Variants in KIF1A observed in about 807,000 individuals in gnomAD.
KIF1A encodes kinesin family member 1A, also known as kinesin-like protein KIF1A.
A neutral mutation model predicts 227.3 loss-of-function variants in KIF1A; 46 were observed. The observed-to-expected ratio is 0.20, with a 90% confidence interval of 0.16 to 0.26. The LOEUF (loss-of-function observed/expected upper bound fraction) is 0.26. Among genes scored for constraint, KIF1A ranks in the 10% least tolerant of loss-of-function variants. The pLI is 1.00. For missense variants in KIF1A, 1,683 were observed against 2,485.9 expected, an observed-to-expected ratio of 0.68 and a Z score of 6.87; for synonymous variants, 1,022 against 1,012.8, an observed-to-expected ratio of 1.01 and a Z score of -0.17.
At chr2:240,809,772 G>C (rs1483629349) in intron 1 of KIF1A, among the ~76,000 whole-genome samples, 1 of 149,784 alleles carries the variant, frequency 6.7e-6, no homozygotes, top group East Asian at 2.0e-4. Flanking sequence ...GGATTCAAGA[G>C]AAATACCTAA....
At position 240,739,625 on chromosome 2, in the gene KIF1A, C is replaced by T. The variant is rs867947239; in HGVS notation, c.3901+433G>A. On this transcript the variant is annotated intron_variant, in intron 37 of 48. Transcript: ENST00000498729. This position sits in a 1 kb window ranked among gnomAD's most constrained non-coding sequence, Gnocchi z 5.6. ...AGAAGCCTGCGAAAATGCAGTGATG[C>T]GTCTGCAGGCCAGGGTCGCCCAAGA... 6.6e-6 allele frequency among the ~76,000 whole-genome samples: 1 copy of T among 152,144 alleles called. No homozygotes were observed. The highest frequency in any genetic ancestry group is 1.9e-4 in the East Asian group (1 of 5,180).
chr2:240,812,879 GGGGATCCGC>G (rs2058006957), intron 1 of KIF1A, among the ~76,000 whole-genome samples: 1 of 88,264 alleles, frequency 1.1e-5, no homozygotes, highest in Non-Finnish European at 2.1e-5. Context: ...GCCTTCACTC[GGGGATCCGC>G]CTTCACCTCG....
chr2:240,745,059 G>A (rs2125785770), intron 32 of KIF1A, among the ~76,000 whole-genome samples: 1 of 152,190 alleles, frequency 6.6e-6, no homozygotes, highest in African/African-American at 2.4e-5. Context: ...GCACCCTGTA[G>A]CCCCTGTGGC....
chr2:240,753,998 C>T (rs1047177371), intron 27 of KIF1A, among the ~76,000 whole-genome samples: 5 of 152,216 alleles, frequency 3.3e-5, no homozygotes, highest in Admixed American at 2.6e-4. Context: ...ACCTGGGCAC[C>T]TGCTTAGTTA....
Position 240,742,950 on chromosome 2 carries a change from C to T in KIF1A, c.3619G>A (p.Val1207Ile). 1 of 1,611,686 alleles carries T rather than the reference C, an allele frequency of 6.2e-7. No homozygotes were observed. Among genetic ancestry groups the T allele is most frequent in the Non-Finnish European group, 8.5e-7 (1 of 1,178,940 alleles). Reference sequence around the variant, plus strand: ...CTACCTGGCTTGGACAGTGGCATGACCCGAGGGAAGTGGCGGCGCGAGGGC... The same window carrying T: ...CTACCTGGCTTGGACAGTGGCATGATCCGAGGGAAGTGGCGGCGCGAGGGC... ...LRPSRRHFPR[V>I]MPLSKPVPAT... Residue 1207 changes from valine to isoleucine, a missense_variant, in exon 34 of 49, where the codon GTC becomes ATC. By Grantham distance (29) the Val-to-Ile change is conservative. Transcript: ENST00000498729.
At chr2:240,784,817 G>T (rs555265980) in intron 7 of KIF1A, among the ~76,000 whole-genome samples, 172 bp downstream of exon 7, 2 of 66,962 alleles carry the variant, frequency 3.0e-5, no homozygotes, top group East Asian at 2.8e-4. Context: ...CCTCTGGGGC[G>T]GGGGGGGGGA....
chr2:240,760,738 G>A lies in KIF1A; in HGVS notation c.2371C>T (p.Arg791Cys), dbSNP rs768035823. The stretch of plus-strand genomic sequence containing the variant: ...TGGACCTCCACGGCCACAATGGTGC[G>A]GGGGAAGGGCCGCGTCTCTCGGTCT... ...AKDRETRPFP[R>C]TIVAVEVQDQ... Residue 791 changes from arginine (R) to cysteine (C), a missense_variant, in exon 25 of 49, where the codon CGC (arginine) becomes TGC (cysteine). Coordinates refer to ENST00000498729, the MANE Select transcript of KIF1A (RefSeq NM_001244008.2). The A allele has an allele frequency of 1.2e-5, 19 of 1,596,806 alleles. No individual in the cohort carries two copies. The highest frequency in any genetic ancestry group is 2.3e-5 in the East Asian group (1 of 43,672).
Position 240,723,524 on chromosome 2 carries a change from T to C in KIF1A, c.4353A>G (p.Thr1451=). 6.4e-7 allele frequency: 1 copy of C among 1,553,576 alleles called. No homozygotes were observed. Among genetic ancestry groups the C allele is most frequent in the Non-Finnish European group, 8.7e-7 (1 of 1,149,276 alleles). Residue 1451 remains threonine (T), a synonymous_variant, in exon 42 of 49, where the codon ACA becomes ACG. Transcript: ENST00000498729. ...MQRRRRRVLD[T]SVAYVRGEEN... is the part of the protein sequence containing the mutation. ...CCTCGCCCCGGACATAGGCCACAGA[T>C]GTGTCCAGGACTCGTCGGCGCCGGC...
chr2:240,715,824 T>C lies in KIF1A; in HGVS notation c.*1540A>G, dbSNP rs1355047583. Reference sequence around the variant, plus strand: ...CCCCACTCCAGGAGGCAGGATCTGATGAAAGTGCTGGGCCCTAGGTCTGGA... The same window carrying C: ...CCCCACTCCAGGAGGCAGGATCTGACGAAAGTGCTGGGCCCTAGGTCTGGA... On this transcript the variant is annotated 3_prime_UTR_variant, in exon 49 of 49. Transcript: ENST00000498729. 1 of 152,204 alleles carries C rather than the reference T, an allele frequency of 6.6e-6. No homozygotes were observed. The highest frequency in any genetic ancestry group is 1.5e-5 in the Non-Finnish European group (1 of 68,020). The allele number at this position is 152,204 out of a possible 1,614,324, so 9.4% of individuals were successfully genotyped here.
At chr2:240,728,049 G>A (rs1156932816) in intron 38 of KIF1A, among the ~76,000 whole-genome samples, 1 of 152,210 alleles carries the variant, frequency 6.6e-6, no homozygotes, top group Non-Finnish European at 1.5e-5. Flanking sequence ...ACAGTTCAGA[G>A]ACATCAACAC....
chr2:240,748,887 G>A (rs941913883), intron 28 of KIF1A, among the ~76,000 whole-genome samples: 2 of 152,282 alleles, frequency 1.3e-5, no homozygotes, highest in South Asian at 2.1e-4. Context: ...TTGGGAGGCC[G>A]AGATGGGCAG....
At position 240,740,672 on chromosome 2, in the gene KIF1A, A is replaced by T. The variant is rs912507045; in HGVS notation, c.3750-308T>A. On this transcript the variant is annotated intron_variant, in intron 35 of 48. Transcript: ENST00000498729. The surrounding 1 kb of genome is among the most constrained non-coding windows in gnomAD (Gnocchi z 6.1). ...TCCCAAGGGTCCTCTGCTTCCCCTC[A>T]TGCCCTGCAGATCCGCAACCCAAGG... 3.9e-5 allele frequency among the ~76,000 whole-genome samples: 6 copies of T among 151,992 alleles called. No homozygotes were observed. The highest frequency in any genetic ancestry group is 9.7e-5 in the African/African-American group (4 of 41,354).
intron 2 of KIF1A, among the ~76,000 whole-genome samples, chr2:240,794,443 A>G (rs1332235592): frequency 6.6e-6 from 1 of 151,942 alleles, no homozygotes; most frequent in Admixed American, 6.6e-5. Context: ...TTACCCACAC[A>G]CGGCCTCACT....
intron 7 of KIF1A, among the ~76,000 whole-genome samples, 171 bp downstream of exon 7, chr2:240,784,816 CGG>C (rs71404665): frequency 2.2e-5 from 3 of 137,950 alleles, no homozygotes; most frequent in African/African-American, 5.1e-5. Context: ...GCCTCTGGGG[CGG>C]GGGGGGGGAC....
chr2:240,721,799 G>A lies in KIF1A; in HGVS notation c.4743+8C>T. On this transcript the variant is annotated splice_region_variant and intron_variant, in intron 44 of 48. Coordinates refer to ENST00000498729, the MANE Select transcript of KIF1A (RefSeq NM_001244008.2). ...CGGGGCAGCCTGGTGCAGCCCCTCT[G>A]CACCCACCTTGCTCTCGCTGGCACT... is the stretch of plus-strand genomic sequence containing the variant. 6.2e-7 allele frequency: 1 copy of A among 1,600,126 alleles called. No homozygotes were observed. Among genetic ancestry groups the A allele is most frequent in the Non-Finnish European group, 8.5e-7 (1 of 1,177,202 alleles).
intron 17 of KIF1A, among the ~76,000 whole-genome samples, chr2:240,768,631 A>G (rs1261978762): frequency 1.3e-5 from 2 of 152,238 alleles, no homozygotes; most frequent in Non-Finnish European, 2.9e-5. Context: ...TACACTCTGA[A>G]GCAGCTGCCC....
rs1575582431 is a variant in KIF1A at position 240,757,717 on chromosome 2, G to C, written c.2583-123C>G. 1 of 910,636 alleles carries C rather than the reference G, an allele frequency of 1.1e-6. No individual in the cohort carries two copies. Among genetic ancestry groups the C allele is most frequent in the South Asian group, 1.8e-5 (1 of 56,744 alleles). The allele number at this position is 910,636 out of a possible 1,614,324, so 56.4% of individuals were successfully genotyped here. A position where few individuals can be genotyped will look rare whatever the true frequency, so the allele number is the denominator to read the frequency against. On this transcript the variant is annotated intron_variant, in intron 26 of 48. Transcript: ENST00000498729. The surrounding 1 kb of genome is among the most constrained non-coding windows in gnomAD (Gnocchi z 6.2). The stretch of plus-strand genomic sequence containing the variant: ...CAAAACCAAACACACAGACCATCGA[G>C]AATGCTGCTTTAAAAGATGAGAGAA...
At chr2:240,717,766 A>G (rs2044732486) in intron 48 of KIF1A, among the ~76,000 whole-genome samples, 3 of 152,228 alleles carry the variant, frequency 2.0e-5, no homozygotes, top group Non-Finnish European at 2.9e-5. Flanking sequence ...AGGGAGCATT[A>G]ATAGCCCTAA....
At chr2:240,799,170 GC>G (rs769987975) in intron 1 of KIF1A, among the ~76,000 whole-genome samples, 1 of 152,176 alleles carries the variant, frequency 6.6e-6, no homozygotes, top group Non-Finnish European at 1.5e-5. Flanking sequence ...AGGAAAGGGG[GC>G]ACAGCAAGCC....
Sources: allele counts gnomAD v4.1 joint callset (sites outside exome capture counted in the v4.1 genomes callset), GRCh38; gene constraint gnomAD v4.1.1; non-coding constraint Gnocchi (gnomAD v3.1); transcripts MANE v1.5; gene names NCBI Gene and HGNC (gene_info 2026-07-23, HGNC 2026-07-21).